Variants in RAI2 observed in about 807,000 individuals in gnomAD.
RAI2 encodes the protein retinoic acid induced 2, also known as retinoic acid-induced protein 2.
A neutral mutation model predicts 15.3 loss-of-function variants in RAI2; 5 were observed. The observed-to-expected ratio is 0.33, with a 90% CI of 0.17 to 0.69. The LOEUF (loss-of-function observed/expected upper bound fraction) is 0.69. Among genes scored for constraint, RAI2 ranks in the 30% least tolerant of loss-of-function variants. The probability of loss-of-function intolerance (pLI) is 0.69; values close to 1 mark genes in which losing one functional copy is unlikely to be tolerated. For missense variants in RAI2, 424 were observed against 424.7 expected (o/e 1.00, Z 0.01); for synonymous variants, 191 against 184.0 (o/e 1.04, Z -0.31).
intron 1 of RAI2, among the ~76,000 whole-genome samples, chrX:17,803,777 C>T (rs2066947379): frequency 9.0e-6 from 1 of 110,744 alleles, no homozygotes; most frequent in African/African-American, 3.3e-5. Flanking sequence ...CTCTGGAAGC[C>T]ATGAGGTGAC....
rs1288606989 is a variant in RAI2 at position 17,857,063 on chromosome X, G to A, written c.-25+4035C>T. Among the ~76,000 whole-genome samples the A allele has an allele frequency of 4.2e-4, 47 of 111,716 alleles. 1 individual carries two copies. Among genetic ancestry groups the A allele is most frequent in the East Asian group, 2.8e-3 (10 of 3,552 alleles). ...GAAAGAATGAGATGATGGGCACCCG[G>A]GCAGACGATCAGGTGGGAGGGAGAA... On this transcript the variant is annotated intron_variant, in intron 1 of 1. Coordinates refer to ENST00000451717, the MANE Select transcript of RAI2 (RefSeq NM_021785.6).
intron 1 of RAI2, among the ~76,000 whole-genome samples, chrX:17,851,583 C>G (rs973915874): frequency 8.9e-6 from 1 of 111,814 alleles, no homozygotes; most frequent in African/African-American, 3.3e-5. Flanking sequence ...GGCACAGGCT[C>G]AATCCATTCC....
rs774723032 is a variant in RAI2 at position 17,827,030 on chromosome X, G to GTCAT, written c.-24-25000_-24-24997dup. 1.0e-3 allele frequency among the ~76,000 whole-genome samples: 118 copies of GTCAT among 112,726 alleles called. 1 individual carries two copies. Among genetic ancestry groups the GTCAT allele is most frequent in the Admixed American group, 4.8e-3 (51 of 10,698 alleles). ...TACAGCTGAAGATATAGAGAGTTGA[G>GTCAT]TCATTGTCACATGGAATGTTCAGTT... On this transcript the variant is annotated intron_variant, in intron 1 of 1. Transcript: ENST00000451717.
chrX:17,850,667 C>T (rs1365327454), intron 1 of RAI2, among the ~76,000 whole-genome samples: 6 of 112,250 alleles, frequency 5.3e-5, no homozygotes, highest in East Asian at 2.8e-4. Context: ...AAAGCCTCCC[C>T]TTCCAGGTCT....
At chrX:17,852,445 T>G (rs1379555167) in intron 1 of RAI2, among the ~76,000 whole-genome samples, 2 of 112,033 alleles carry the variant, frequency 1.8e-5, no homozygotes, top group Non-Finnish European at 3.8e-5. Context: ...CAACTGCCCC[T>G]ATCCTTCACC....
intron 1 of RAI2, among the ~76,000 whole-genome samples, chrX:17,830,697 T>C (rs190431714): frequency 1.8e-5 from 2 of 111,112 alleles, no homozygotes; most frequent in Admixed American, 1.9e-4. Context: ...TCTCCATTAT[T>C]GCTTCCTTGC....
At position 17,858,631 on chromosome X, in the gene RAI2, G is replaced by C. The variant is rs73447883; in HGVS notation, c.-25+2467C>G. Among the ~76,000 whole-genome samples the C allele has an allele frequency of 6.2e-3, 693 of 112,004 alleles. 5 individuals carry two copies. Among genetic ancestry groups the C allele is most frequent in the African/African-American group, 0.022 (663 of 30,813 alleles). On this transcript the variant is annotated intron_variant, in intron 1 of 1. Transcript: ENST00000451717. ...GCTCCTCACACACCTTCCAGTCTTT[G>C]ATTTTTCTTTCTTGTAGTTCAGATG...
At chrX:17,842,266 T>C (rs1271955939) in intron 1 of RAI2, among the ~76,000 whole-genome samples, 1 of 111,346 alleles carries the variant, frequency 9.0e-6, no homozygotes, top group Admixed American at 9.5e-5. Context: ...ACAGACCCAG[T>C]GGACAGAGGG....
intron 1 of RAI2, among the ~76,000 whole-genome samples, chrX:17,853,065 G>A (rs867874458): frequency 2.7e-5 from 3 of 110,746 alleles, no homozygotes; most frequent in Non-Finnish European, 5.7e-5. Flanking sequence ...TGGGGGTGGG[G>A]GAAGATGCCT....
intron 1 of RAI2, among the ~76,000 whole-genome samples, chrX:17,822,297 C>G (rs1158102656): frequency 8.9e-6 from 1 of 112,200 alleles, no homozygotes; most frequent in Admixed American, 9.4e-5. Context: ...CACTTACCCC[C>G]TCTCTTTTGA....
chrX:17,820,243 A>G (rs1402138552), intron 1 of RAI2, among the ~76,000 whole-genome samples: 1 of 112,745 alleles, frequency 8.9e-6, no homozygotes, highest in Non-Finnish European at 1.9e-5. Flanking sequence ...AGAGTGTGGG[A>G]TAGATAGCAG....
At chrX:17,842,364 A>G (rs1178113984) in intron 1 of RAI2, among the ~76,000 whole-genome samples, 5 of 111,537 alleles carry the variant, frequency 4.5e-5, no homozygotes, top group Admixed American at 9.5e-5. Flanking sequence ...TGGGAGTAAT[A>G]TGAGGATAAA....
intron 1 of RAI2, among the ~76,000 whole-genome samples, chrX:17,839,277 G>C (rs1240862985): frequency 1.8e-5 from 2 of 111,968 alleles, no homozygotes; most frequent in African/African-American, 6.5e-5. Flanking sequence ...CTCTTTCTCT[G>C]TCCTACTGGC....
intron 1 of RAI2, among the ~76,000 whole-genome samples, chrX:17,805,479 T>G (rs2066968119): frequency 8.9e-6 from 1 of 112,446 alleles, no homozygotes; most frequent in Admixed American, 9.3e-5. Context: ...CTACTTCTGG[T>G]TACTCACCTG....
At chrX:17,833,737 C>G (rs772626646) in intron 1 of RAI2, among the ~76,000 whole-genome samples, 1 of 111,732 alleles carries the variant, frequency 8.9e-6, no homozygotes, top group Non-Finnish European at 1.9e-5. Context: ...TTAAGATGAA[C>G]TCGCTTTACT....
intron 1 of RAI2, among the ~76,000 whole-genome samples, chrX:17,822,512 C>T (rs1283931419): frequency 1.8e-5 from 2 of 112,259 alleles, no homozygotes; most frequent in African/African-American, 6.5e-5. Context: ...GCCCCATGTG[C>T]TGTTTCCATC....
rs2066911086 is a variant in RAI2 at position 17,801,519 on chromosome X, G to C, written c.492C>G (p.Ala164=). The C allele has an allele frequency of 8.4e-7, 1 of 1,196,037 alleles. No individual in the cohort carries two copies. Among genetic ancestry groups the C allele is most frequent in the Admixed American group, 2.2e-5 (1 of 44,653 alleles). The change falls in exon 2 of 2, where the codon GCC becomes GCG. Residue 164 remains alanine (A), a synonymous_variant. Coordinates refer to ENST00000451717, the MANE Select transcript of RAI2 (RefSeq NM_021785.6). ...NLFQGAEDPE[A]QPQLLDLRIP... is the part of the protein sequence containing the mutation. ...TCCTCAGGTCCAGGAGCTGGGGCTGGGCCTCGGGGTCCTCCGCTCCCTGGA... is the reference window on the plus strand; with the variant it reads ...TCCTCAGGTCCAGGAGCTGGGGCTGCGCCTCGGGGTCCTCCGCTCCCTGGA...
At chrX:17,852,199 A>T (rs757204405) in intron 1 of RAI2, among the ~76,000 whole-genome samples, 1 of 112,036 alleles carries the variant, frequency 8.9e-6, no homozygotes, top group African/African-American at 3.2e-5. Context: ...GTGGATCCCT[A>T]CCAGCTTGTT....
intron 1 of RAI2, among the ~76,000 whole-genome samples, chrX:17,854,986 C>G (rs909854604): frequency 9.0e-6 from 1 of 111,514 alleles, no homozygotes; most frequent in Non-Finnish European, 1.9e-5. Context: ...TATGCCATGA[C>G]CAGTGCCTAG....
Sources: gnomAD v4.1 joint callset for allele counts (sites outside exome capture counted in the v4.1 genomes callset) on GRCh38, gnomAD v4.1.1 for gene constraint, MANE v1.5 for transcripts, NCBI Gene and HGNC (gene_info 2026-07-23, HGNC 2026-07-21) for gene names.